HAT1: variants seen among roughly 807,000 people sequenced by gnomAD.
The protein encoded by HAT1 is histone acetyltransferase 1, also known as histone acetyltransferase type B catalytic subunit.
A neutral mutation model predicts 56.6 loss-of-function variants in HAT1; 20 were observed. The ratio of observed to expected loss-of-function variants is 0.35; its 90% CI spans 0.25 to 0.51. The LOEUF (loss-of-function observed/expected upper bound fraction) is 0.51. HAT1 is among the 20% of genes least tolerant of loss of function. The pLI, the probability that HAT1 is intolerant of heterozygous loss-of-function variation, is 0.95. For synonymous variants in HAT1, 146 were observed against 165.5 expected, an observed-to-expected ratio of 0.88 and a Z score of 0.91; for missense variants, 408 against 504.3, an observed-to-expected ratio of 0.81 and a Z score of 1.83.
intron 8 of HAT1, among the ~76,000 whole-genome samples, chr2:171,968,506 A>G (rs1374717752): frequency 2.6e-5 from 4 of 152,166 alleles, no homozygotes; most frequent in Non-Finnish European, 5.9e-5. Flanking sequence ...TTAGCAGATA[A>G]AGAATTTTAT....
At chr2:171,966,662 T>C in intron 7 of HAT1, 149 bp downstream of exon 7, 1 of 632,352 alleles carries the variant, frequency 1.6e-6, no homozygotes, top group East Asian at 2.7e-5. Context: ...CATTGTTCCC[T>C]TTGAAACAGT....
At chr2:171,925,857 G>A (rs1686575557) in intron 2 of HAT1, among the ~76,000 whole-genome samples, 1 of 152,140 alleles carries the variant, frequency 6.6e-6, no homozygotes, top group Non-Finnish European at 1.5e-5. Flanking sequence ...ATATAAAAAG[G>A]AAAGACGGTG....
intron 8 of HAT1, among the ~76,000 whole-genome samples, chr2:171,973,611 C>T (rs1687872345): frequency 6.6e-6 from 1 of 152,146 alleles, no homozygotes; most frequent in Non-Finnish European, 1.5e-5. Context: ...ACAAGCATTA[C>T]TGCCTGAGCT....
At chr2:171,940,403 T>G (rs180820545) in intron 2 of HAT1, among the ~76,000 whole-genome samples, 17 of 152,324 alleles carry the variant, frequency 1.1e-4, no homozygotes, top group Admixed American at 1.1e-3. Context: ...ATTTCATTAG[T>G]TCTTCTAGTT....
At chr2:171,943,731 A>ATG (rs950283025) in intron 2 of HAT1, among the ~76,000 whole-genome samples, 1 of 145,196 alleles carries the variant, frequency 6.9e-6, no homozygotes, top group South Asian at 2.1e-4. Flanking sequence ...ACATTCATAT[A>ATG]TATATATATA....
At chr2:171,930,962 C>G (rs1002561042) in intron 2 of HAT1, among the ~76,000 whole-genome samples, 4 of 151,954 alleles carry the variant, frequency 2.6e-5, no homozygotes, top group African/African-American at 7.3e-5. Context: ...TTCCTGCACA[C>G]AAACATTACC....
chr2:171,940,696 A>T (rs1405862567), intron 2 of HAT1, among the ~76,000 whole-genome samples: 1 of 152,132 alleles, frequency 6.6e-6, no homozygotes, highest in Non-Finnish European at 1.5e-5. Context: ...CTTGGTCTCG[A>T]TGTAACTAAG....
At chr2:171,954,015 TA>T (rs2105326191) in intron 4 of HAT1, among the ~76,000 whole-genome samples, 1 of 152,202 alleles carries the variant, frequency 6.6e-6, no homozygotes, top group South Asian at 2.1e-4. Context: ...ATTAATTAAA[TA>T]AAATCATATA....
intron 10 of HAT1, among the ~76,000 whole-genome samples, chr2:171,981,771 C>T (rs1396654783): frequency 6.6e-6 from 1 of 152,126 alleles, no homozygotes; most frequent in Non-Finnish European, 1.5e-5. Context: ...TTATAATGGT[C>T]TCCTCAAAAG....
At chr2:171,966,799 TC>T in intron 7 of HAT1, 43 bp from the exon 8 acceptor site, 1 of 895,404 alleles carries the variant, frequency 1.1e-6, no homozygotes, top group Non-Finnish European at 1.8e-6. Flanking sequence ...TTTAAACTGG[TC>T]ATGTTATGAT....
chr2:171,953,199 A>G (rs928669594), intron 4 of HAT1, among the ~76,000 whole-genome samples, 198 bp downstream of exon 4: 2 of 151,874 alleles, frequency 1.3e-5, no homozygotes, highest in African/African-American at 4.8e-5. Flanking sequence ...CACAAAAATT[A>G]GTGGGGCGTG....
chr2:171,952,862 GCTATTTTTTC>G lies in HAT1; in HGVS notation c.189-17_189-8del. ...GACTGCAAAAATTCATTCCATTATT[GCTATTTTTTC>G]CATTTCAGTGAAACTGCTTTTGGTT... On this transcript the variant is annotated splice_polypyrimidine_tract_variant and intron_variant, in intron 3 of 10. Transcript: ENST00000264108. The G allele has an allele frequency of 1.3e-6, 2 of 1,557,366 alleles. No individual in the cohort carries two copies. Among genetic ancestry groups the G allele is most frequent in the Non-Finnish European group, 1.7e-6 (2 of 1,144,484 alleles).
chr2:171,932,562 C>T (rs1686773714), intron 2 of HAT1, among the ~76,000 whole-genome samples: 1 of 152,102 alleles, frequency 6.6e-6, no homozygotes, highest in African/African-American at 2.4e-5. Flanking sequence ...CAGTATTCCC[C>T]TGTTACCATT....
chr2:171,932,588 C>T (rs542953865), intron 2 of HAT1, among the ~76,000 whole-genome samples: 3 of 152,164 alleles, frequency 2.0e-5, no homozygotes, highest in East Asian at 1.9e-4. Flanking sequence ...GACTGTAGAG[C>T]GAGGTGCAGT....
At chr2:171,939,365 C>T (rs745704427) in intron 2 of HAT1, among the ~76,000 whole-genome samples, 57 of 152,286 alleles carry the variant, frequency 3.7e-4, no homozygotes, top group Non-Finnish European at 6.5e-4. Context: ...GCCACTTTAT[C>T]TGCCAACTTG....
intron 4 of HAT1, among the ~76,000 whole-genome samples, chr2:171,953,626 T>TAAAAAAAAAAAAAAAAAAA (rs587686867): frequency 9.5e-5 from 8 of 84,606 alleles, no homozygotes; most frequent in East Asian, 6.5e-4. Context: ...CCCTGTCTCT[T>TAAAAAAAAAAAAAAAAAAA]AAAAAAAAAA....
At chr2:171,933,328 G>A (rs1357937714) in intron 2 of HAT1, among the ~76,000 whole-genome samples, 2 of 152,076 alleles carry the variant, frequency 1.3e-5, no homozygotes, top group African/African-American at 4.8e-5. Flanking sequence ...CAAAGTGTTA[G>A]GATTGCAGGC....
chr2:171,977,470 A>T (rs904419619), intron 9 of HAT1, among the ~76,000 whole-genome samples: 5 of 145,216 alleles, frequency 3.4e-5, no homozygotes, highest in Admixed American at 6.9e-5. Context: ...TTAAAAAAAA[A>T]AAAAAGAAAA....
chr2:171,974,702 T>C (rs1162927312), intron 8 of HAT1, among the ~76,000 whole-genome samples: 1 of 152,274 alleles, frequency 6.6e-6, no homozygotes, highest in Non-Finnish European at 1.5e-5. Flanking sequence ...ATGTTAGCTA[T>C]AGCTTTCATA....
Sources: gnomAD v4.1 joint callset for allele counts (sites outside exome capture counted in the v4.1 genomes callset) on GRCh38, gnomAD v4.1.1 for gene constraint, MANE v1.5 for transcripts, NCBI Gene and HGNC (gene_info 2026-07-23, HGNC 2026-07-21) for gene names.